Variants in KLRF2 observed in about 807,000 individuals in gnomAD.
The protein encoded by KLRF2 is killer cell lectin-like receptor subfamily F member 2.
Under a neutral mutation model 25.3 loss-of-function variants are expected in KLRF2, and 28 were observed. The ratio of observed to expected loss-of-function variants is 1.11; its 90% CI spans 0.82 to 1.52. KLRF2 has a LOEUF of 1.52. Ranked by LOEUF, KLRF2 falls within the 40% of genes most tolerant of loss-of-function variation. The pLI, the probability that KLRF2 is intolerant of heterozygous loss-of-function variation, is 0.00. For synonymous variants in KLRF2, 73 were observed against 85.0 expected, an observed-to-expected ratio of 0.86 and a Z score of 0.78; for missense variants, 265 against 245.8, an observed-to-expected ratio of 1.08 and a Z score of -0.52.
chr12:9,884,264 G>A (rs1276135249), intron 1 of KLRF2, among the ~76,000 whole-genome samples: 2 of 151,992 alleles, frequency 1.3e-5, no homozygotes, highest in South Asian at 2.1e-4. Context: ...ACTCTAATGC[G>A]ATGAAATACT....
chr12:9,889,457 T>C (rs1257835192), intron 3 of KLRF2, among the ~76,000 whole-genome samples: 1 of 152,100 alleles, frequency 6.6e-6, no homozygotes, highest in Non-Finnish European at 1.5e-5. Context: ...CAATTGAAAG[T>C]CTTAGAAAAA....
At chr12:9,892,895 T>C in intron 3 of KLRF2, 125 bp from the exon 4 acceptor site, 1 of 811,130 alleles carries the variant, frequency 1.2e-6, no homozygotes, top group South Asian at 1.9e-5. Flanking sequence ...GAACTCCTTT[T>C]TATTGACCAA....
intron 3 of KLRF2, among the ~76,000 whole-genome samples, chr12:9,891,201 T>C (rs1251535352): frequency 6.6e-6 from 1 of 152,200 alleles, no homozygotes; most frequent in African/African-American, 2.4e-5. Context: ...CTTAGAAACC[T>C]GCCTGGCCCA....
intron 3 of KLRF2, among the ~76,000 whole-genome samples, chr12:9,890,715 T>C (rs1295613562): frequency 1.3e-5 from 2 of 152,346 alleles, no homozygotes; most frequent in African/African-American, 2.4e-5. Flanking sequence ...GGGACTCTTC[T>C]TTTGTTTTCA....
At chr12:9,882,792 A>G (rs1868108908) in intron 1 of KLRF2, among the ~76,000 whole-genome samples, 1 of 151,800 alleles carries the variant, frequency 6.6e-6, no homozygotes, top group Non-Finnish European at 1.5e-5. Context: ...AAAAAAACAA[A>G]AAAAATTATT....
intron 3 of KLRF2, among the ~76,000 whole-genome samples, chr12:9,891,703 C>T (rs1296459698): frequency 2.0e-5 from 3 of 152,016 alleles, no homozygotes; most frequent in Non-Finnish European, 4.4e-5. Context: ...TCAGCATTGG[C>T]CACTCTTGCC....
In KLRF2 at chr12:9,893,102, A is replaced by G. The variant is rs570773675; in HGVS notation, c.300A>G (p.Lys100=). ...YWFSTSFKTW[K]ESQRDCTQLQ... is the part of the protein sequence containing the mutation. ...TTTCAACTTCTTTTAAAACGTGGAA[A>G]GAGAGTCAACGTGATTGTACACAGC... The change falls in exon 4 of 6, where the codon AAA becomes AAG. Residue 100 remains lysine (K), a synonymous_variant. Coordinates refer to ENST00000535540, the MANE Select transcript of KLRF2 (RefSeq NM_001190765.1). 1.7e-4 allele frequency: 263 copies of G among 1,535,634 alleles called. 5 individuals are homozygous for G. The South Asian group carries it at 2.9e-3, about 17-fold the overall frequency.
At chr12:9,895,218 C>T (rs1194537554) in intron 5 of KLRF2, among the ~76,000 whole-genome samples, 2 of 152,152 alleles carry the variant, frequency 1.3e-5, no homozygotes, top group African/African-American at 2.4e-5. Flanking sequence ...CTATTGAAAA[C>T]GTTCATTTTG....
rs907242284 is a variant in KLRF2, at chr12:9,893,519, G to T, written c.457G>T (p.Glu153Ter). ...FQGNLWMWID[E>*]HFLVPELFSV... ...AGGGAACCTATGGATGTGGATAGAT[G>T]AACACTTTTTAGTTCCAGAATTGTG... The change falls in exon 5 of 6, where the codon GAA becomes TAA. Residue 153 changes from glutamate (E) to a stop codon, truncating the protein, a stop_gained. Coordinates refer to ENST00000535540, the MANE Select transcript of KLRF2 (RefSeq NM_001190765.1). LOFTEE classifies it low-confidence loss of function (END_TRUNC). 1 of 1,496,126 alleles carries T rather than the reference G, an allele frequency of 6.7e-7. No homozygotes were observed. The highest frequency in any genetic ancestry group is 9.0e-7 in the Non-Finnish European group (1 of 1,114,962). 92.7% of individuals were successfully genotyped at this position (1,496,126 alleles called of 1,614,324 possible). A position where few individuals can be genotyped will look rare whatever the true frequency, so the allele number is the denominator to read the frequency against.
intron 1 of KLRF2, 102 bp downstream of exon 1, chr12:9,881,767 A>G (rs1467698169): frequency 1.8e-5 from 15 of 847,768 alleles, no homozygotes; most frequent in Non-Finnish European, 2.8e-5. Flanking sequence ...GATCATAATA[A>G]GGAATATAAA....
At chr12:9,893,642 C>A in intron 5 of KLRF2, 101 bp downstream of exon 5, 1 of 456,252 alleles carries the variant, frequency 2.2e-6, no homozygotes, top group Non-Finnish European at 3.7e-6. Context: ...TCTCTGTTTT[C>A]CCTTATCTTT....
At chr12:9,892,164 G>A (rs2137002942) in intron 3 of KLRF2, among the ~76,000 whole-genome samples, 1 of 152,290 alleles carries the variant, frequency 6.6e-6, no homozygotes, top group East Asian at 1.9e-4. Flanking sequence ...AGCAGAAATT[G>A]ACGGTTCAAG....
At chr12:9,892,113 A>C (rs758840106) in intron 3 of KLRF2, among the ~76,000 whole-genome samples, 6 of 152,220 alleles carry the variant, frequency 3.9e-5, no homozygotes, top group Non-Finnish European at 8.8e-5. Flanking sequence ...TGCTTTAGCA[A>C]ATGTATCAAT....
intron 3 of KLRF2, among the ~76,000 whole-genome samples, chr12:9,892,546 CAGG>C (rs993841735): frequency 6.7e-6 from 1 of 150,156 alleles, no homozygotes; most frequent in African/African-American, 2.4e-5. Flanking sequence ...TGGAAATACA[CAGG>C]TTAGTAAATT....
At chr12:9,892,931 C>A (rs746633994) in intron 3 of KLRF2, 89 bp from the exon 4 acceptor site, 9 of 1,085,032 alleles carry the variant, frequency 8.3e-6, no homozygotes, top group Admixed American at 2.9e-5. Context: ...TTGGAAAAAT[C>A]TATTTTCCAA....
chr12:9,891,267 G>C (rs1461177861), intron 3 of KLRF2, among the ~76,000 whole-genome samples: 2 of 152,188 alleles, frequency 1.3e-5, no homozygotes, highest in African/African-American at 4.8e-5. Context: ...TAATAGAGCA[G>C]TTGATATAAA....
Position 9,884,965 on chromosome 12 carries a change from TCTG to T in KLRF2, c.105_107del (p.Leu36del). 1.5e-6 allele frequency: 2 copies of T among 1,329,100 alleles called. No homozygotes were observed. The highest frequency in any genetic ancestry group is 1.9e-6 in the Non-Finnish European group (2 of 1,028,344). The allele number at this position is 1,329,100 out of a possible 1,614,324, so 82.3% of individuals were successfully genotyped here. On this transcript the variant is annotated inframe_deletion, in exon 2 of 6. Transcript: ENST00000535540. Reference sequence around the variant, plus strand: ...CCCTATATCCACAATATTATTGTCTTCTGCTCATATTTGGATGCATTGTGATCC... The same window carrying T: ...CCCTATATCCACAATATTATTGTCTTCTCATATTTGGATGCATTGTGATCC...
intron 1 of KLRF2, among the ~76,000 whole-genome samples, chr12:9,883,113 A>G (rs1868112108): frequency 6.6e-6 from 1 of 152,188 alleles, no homozygotes; most frequent in African/African-American, 2.4e-5. Flanking sequence ...TGTGCTTGCT[A>G]TACATTTGCT....
intron 4 of KLRF2, 118 bp downstream of exon 4, chr12:9,893,286 T>A: frequency 1.1e-6 from 1 of 948,290 alleles, no homozygotes; most frequent in Non-Finnish European, 1.5e-6. Flanking sequence ...TTAGCCACAA[T>A]GTAGTCACTA....
Sources: allele counts gnomAD v4.1 joint callset (sites outside exome capture counted in the v4.1 genomes callset), GRCh38; gene constraint gnomAD v4.1.1; transcripts MANE v1.5; gene names NCBI Gene and HGNC (gene_info 2026-07-23, HGNC 2026-07-21).